KCNQ5: variants seen among roughly 807,000 people sequenced by gnomAD.
The protein encoded by KCNQ5 is potassium voltage-gated channel subfamily Q member 5, also known as potassium voltage-gated channel subfamily KQT member 5.
KCNQ5 carries 30 observed loss-of-function variants against 98.2 expected under a neutral mutation model. That is an observed-to-expected ratio of 0.31 (90% CI 0.23 to 0.41). The LOEUF is 0.41. Ranked by LOEUF, KCNQ5 falls within the 10% of genes least tolerant of loss-of-function variation. The pLI, the probability that KCNQ5 is intolerant of heterozygous loss-of-function variation, is 1.00. For missense variants in KCNQ5, 835 were observed against 1,182.5 expected, an observed-to-expected ratio of 0.71 and a Z score of 4.31; for synonymous variants, 458 against 449.4, an observed-to-expected ratio of 1.02 and a Z score of -0.24.
At chr6:72,956,509 A>C (rs1217402635) in intron 1 of KCNQ5, among the ~76,000 whole-genome samples, 2 of 113,546 alleles carry the variant, frequency 1.8e-5, no homozygotes, top group African/African-American at 6.9e-5. Context: ...TTTTTTTTGA[A>C]GCTTCTTTTT....
intron 10 of KCNQ5, chr6:73,136,836 C>A (rs1395402491): frequency 7.3e-6 from 1 of 136,186 alleles, no homozygotes; most frequent in Non-Finnish European, 1.6e-5. Context: ...TTTCTAAAAT[C>A]ATCTACTTAC....
At chr6:72,826,532 C>T (rs1464184685) in intron 1 of KCNQ5, among the ~76,000 whole-genome samples, 1 of 150,590 alleles carries the variant, frequency 6.6e-6, no homozygotes, top group Non-Finnish European at 1.5e-5. Context: ...TTAATGTCTC[C>T]TATAGGTTCC....
chr6:73,032,034 A>C (rs1221922402), intron 2 of KCNQ5, among the ~76,000 whole-genome samples: 3 of 152,200 alleles, frequency 2.0e-5, no homozygotes, highest in Admixed American at 2.0e-4. Context: ...TGGAAGCCGT[A>C]CTATCTCTTA....
At chr6:73,021,664 T>C (rs1414902572) in intron 2 of KCNQ5, among the ~76,000 whole-genome samples, 1 of 152,076 alleles carries the variant, frequency 6.6e-6, no homozygotes, top group Admixed American at 6.6e-5. Flanking sequence ...TAGATTCAGG[T>C]TTTTCTCTCC....
chr6:72,676,615 C>G (rs1011264920), intron 1 of KCNQ5, among the ~76,000 whole-genome samples: 15 of 152,104 alleles, frequency 9.9e-5, no homozygotes, highest in Non-Finnish European at 2.2e-4. Flanking sequence ...TACTATTCAT[C>G]CCTTTAGATT....
intron 1 of KCNQ5, among the ~76,000 whole-genome samples, chr6:72,940,672 A>G (rs541322723): frequency 6.6e-6 from 1 of 152,364 alleles, no homozygotes; most frequent in South Asian, 2.1e-4. Flanking sequence ...ATTGCTTAAT[A>G]ATCTGCTTGC....
chr6:72,817,934 G>A (rs1285697421), intron 1 of KCNQ5, among the ~76,000 whole-genome samples: 1 of 151,396 alleles, frequency 6.6e-6, no homozygotes, highest in East Asian at 1.9e-4. Context: ...ACAAAAAAAA[G>A]AAAAAAAGAA....
chr6:73,164,399 T>C (rs9359018), intron 10 of KCNQ5, among the ~76,000 whole-genome samples: 15,149 of 152,250 alleles, frequency 0.1, 980 homozygotes, highest in East Asian at 0.25. Context: ...ATTGAGTGTT[T>C]AATTTATGGC....
chr6:72,715,702 T>C (rs1026908860), intron 1 of KCNQ5, among the ~76,000 whole-genome samples: 4 of 152,178 alleles, frequency 2.6e-5, no homozygotes, highest in African/African-American at 9.6e-5. Flanking sequence ...ATGACACTTA[T>C]AAAGTATCTT....
intron 11 of KCNQ5, among the ~76,000 whole-genome samples, chr6:73,173,017 G>T (rs977939095): frequency 6.6e-6 from 1 of 152,114 alleles, no homozygotes; most frequent in Admixed American, 6.6e-5. Context: ...CTCTGAATTT[G>T]TCTGGATTCT....
At chr6:72,744,819 A>C (rs74704716) in intron 1 of KCNQ5, among the ~76,000 whole-genome samples, 1 of 152,016 alleles carries the variant, frequency 6.6e-6, no homozygotes, top group Non-Finnish European at 1.5e-5. Context: ...AAAAAAAAAA[A>C]GAAAAAGAAA....
At chr6:72,686,772 G>A (rs1346294542) in intron 1 of KCNQ5, among the ~76,000 whole-genome samples, 1 of 142,858 alleles carries the variant, frequency 7.0e-6, no homozygotes, top group African/African-American at 2.6e-5. Context: ...GGACTACTGT[G>A]GTACAGGTTA....
At chr6:72,668,265 T>A (rs1257181487) in intron 1 of KCNQ5, among the ~76,000 whole-genome samples, 1 of 152,180 alleles carries the variant, frequency 6.6e-6, no homozygotes, top group African/African-American at 2.4e-5. Flanking sequence ...ACAGCCCAAA[T>A]CAATATAATT....
intron 6 of KCNQ5, among the ~76,000 whole-genome samples, chr6:73,106,240 G>T (rs1774995332): frequency 1.3e-5 from 2 of 152,060 alleles, no homozygotes; most frequent in Admixed American, 1.3e-4. Context: ...GAACACCCTT[G>T]TCCCACCAGT....
At chr6:73,018,413 A>T (rs1375753359) in intron 2 of KCNQ5, among the ~76,000 whole-genome samples, 2 of 152,070 alleles carry the variant, frequency 1.3e-5, no homozygotes, top group Non-Finnish European at 2.9e-5. Flanking sequence ...AGAGCTATGG[A>T]GACCTCTAGG....
rs181946672 is a variant in KCNQ5 at position 72,831,472 on chromosome 6, C to A, written c.399-172436C>A. On this transcript the variant is annotated intron_variant, in intron 1 of 13. Transcript: ENST00000370398. Reference sequence around the variant, plus strand: ...GAAACCATCATTCTCAGCAGACTATCGCAAGGACAAAAAAACAAACATCGC... The same window carrying A: ...GAAACCATCATTCTCAGCAGACTATAGCAAGGACAAAAAAACAAACATCGC... Among the ~76,000 whole-genome samples the A allele has an allele frequency of 2.0e-3, 304 of 151,372 alleles. 3 individuals carry two copies. The highest frequency in any genetic ancestry group is 1.4e-3 in the Non-Finnish European group (98 of 67,910).
At chr6:73,067,178 C>A (rs1479513882) in intron 3 of KCNQ5, among the ~76,000 whole-genome samples, 1 of 152,082 alleles carries the variant, frequency 6.6e-6, no homozygotes, top group Admixed American at 6.5e-5. Flanking sequence ...GTTTACTAGG[C>A]TTTCTATGAC....
At chr6:73,155,655 T>C (rs536010504) in intron 10 of KCNQ5, among the ~76,000 whole-genome samples, 1 of 152,306 alleles carries the variant, frequency 6.6e-6, no homozygotes. Context: ...ACATTAAACA[T>C]CAATTGATGT....
chr6:73,079,198 A>G (rs1277236144), intron 5 of KCNQ5, among the ~76,000 whole-genome samples: 5 of 152,288 alleles, frequency 3.3e-5, no homozygotes, highest in African/African-American at 7.2e-5. Flanking sequence ...GCTACCTGGG[A>G]GGCTGAGGTG....
Sources: allele counts gnomAD v4.1 joint callset (sites outside exome capture counted in the v4.1 genomes callset), GRCh38; gene constraint gnomAD v4.1.1; transcripts MANE v1.5; gene names NCBI Gene and HGNC (gene_info 2026-07-23, HGNC 2026-07-21).